CWC27: variants seen among roughly 807,000 people sequenced by gnomAD.
The protein encoded by CWC27 is CWC27 spliceosome associated cyclophilin.
In CWC27, 47 loss-of-function variants were observed where a neutral mutation model predicts 63.6. The ratio of observed to expected loss-of-function variants is 0.74; its 90% CI spans 0.58 to 0.94. CWC27 has a LOEUF of 0.94. CWC27 is among the 40% of genes least tolerant of loss of function. CWC27 has a pLI of 0.00. For synonymous variants in CWC27, 175 were observed against 179.8 expected, an observed-to-expected ratio of 0.97 and a Z score of 0.22; for missense variants, 495 against 554.3, an observed-to-expected ratio of 0.89 and a Z score of 1.07.
intron 11 of CWC27, among the ~76,000 whole-genome samples, chr5:64,934,211 T>A (rs1244478802): frequency 6.6e-6 from 1 of 152,184 alleles, no homozygotes; most frequent in African/African-American, 2.4e-5. Flanking sequence ...TATCAACCCA[T>A]CGTCTACATT....
intron 9 of CWC27, among the ~76,000 whole-genome samples, chr5:64,803,231 G>A (rs964002641): frequency 2.2e-4 from 34 of 152,048 alleles, no homozygotes; most frequent in African/African-American, 6.8e-4. Context: ...GCTTCACTAC[G>A]ACTCACCAGA....
intron 10 of CWC27, among the ~76,000 whole-genome samples, chr5:64,824,785 T>G (rs1745314169): frequency 7.4e-6 from 1 of 135,700 alleles, no homozygotes; most frequent in Non-Finnish European, 1.5e-5. Flanking sequence ...CAGGCTGGAG[T>G]GCAGTGGTGC....
At chr5:64,893,240 A>C (rs1747284027) in intron 11 of CWC27, among the ~76,000 whole-genome samples, 1 of 152,214 alleles carries the variant, frequency 6.6e-6, no homozygotes, top group Admixed American at 6.5e-5. Flanking sequence ...ACCTTATTTT[A>C]AGTAAGATGT....
intron 10 of CWC27, among the ~76,000 whole-genome samples, chr5:64,825,010 A>G (rs1259930457): frequency 6.6e-6 from 1 of 152,002 alleles, no homozygotes; most frequent in African/African-American, 2.4e-5. Context: ...AGGATTACAG[A>G]CATGAGCCAC....
chr5:64,934,587 G>A (rs558947609), intron 11 of CWC27, among the ~76,000 whole-genome samples: 4 of 152,270 alleles, frequency 2.6e-5, no homozygotes, highest in South Asian at 2.1e-4. Context: ...CTTTATAGTA[G>A]AATGATTTAT....
At chr5:64,810,591 C>T (rs1163367931) in intron 10 of CWC27, among the ~76,000 whole-genome samples, 1 of 152,010 alleles carries the variant, frequency 6.6e-6, no homozygotes, top group African/African-American at 2.4e-5. Context: ...ACATAGTTTT[C>T]AGCAGACAGA....
In CWC27 at chr5:65,003,168, T is replaced by C. The variant is rs527264126; in HGVS notation, c.1257-14991T>C. Among the ~76,000 whole-genome samples, 24 of 152,352 alleles carry C rather than the reference T, an allele frequency of 1.6e-4. No homozygotes were observed. The South Asian group carries it at 3.7e-3, about 24-fold the overall frequency. ...TTTCCATCCCTTCATTTTCAGTCTA[T>C]ACGTGTCTTTACAGGTGAAGTGAGT... On this transcript the variant is annotated intron_variant, in intron 13 of 13. Transcript: ENST00000381070.
chr5:64,879,946 T>A (rs1429096661), intron 10 of CWC27, among the ~76,000 whole-genome samples: 1 of 152,018 alleles, frequency 6.6e-6, no homozygotes, highest in Non-Finnish European at 1.5e-5. Context: ...AATTATTTTA[T>A]ACAATAGCCA....
rs138471138 is a variant in CWC27 at position 64,992,013 on chromosome 5, T to C, written c.1256+14775T>C. Among the ~76,000 whole-genome samples the C allele has an allele frequency of 1.6e-3, 243 of 152,302 alleles. 1 individual carries two copies. The highest frequency in any genetic ancestry group is 5.7e-3 in the African/African-American group (239 of 41,572). On this transcript the variant is annotated intron_variant, in intron 13 of 13. Transcript: ENST00000381070. ...TGACTAAAGTAAGTATATATCCTTT[T>C]CGTGCTTTTTCACTCTAACTCTTCT...
intron 1 of CWC27, among the ~76,000 whole-genome samples, chr5:64,770,108 G>A (rs1743191616): frequency 6.6e-6 from 1 of 152,182 alleles, no homozygotes; most frequent in African/African-American, 2.4e-5. Flanking sequence ...TTACATGATT[G>A]CATCATAAAT....
chr5:64,804,245 G>T lies in CWC27; in HGVS notation c.797G>T (p.Ser266Ile). Reference sequence around the variant, plus strand: ...TTTCTACAGGATGGAGAAGATGAAAGTGCAGAGCATGATGAATATATTGAT... The same window carrying T: ...TTTCTACAGGATGGAGAAGATGAAATTGCAGAGCATGATGAATATATTGAT... The part of the protein sequence containing the change: ...PDLVDDGEDE[S>I]AEHDEYIDGD... Residue 266 changes from serine to isoleucine, a missense_variant, in exon 10 of 14, where the codon AGT (serine) becomes ATT (isoleucine). Ser to Ile is a moderately radical substitution (Grantham distance 142). Transcript: ENST00000381070. 1 of 1,608,968 alleles carries T rather than the reference G, an allele frequency of 6.2e-7. No homozygotes were observed. The highest frequency in any genetic ancestry group is 2.2e-5 in the East Asian group (1 of 44,798).
rs564483122 is a variant in CWC27 at position 64,770,166 on chromosome 5, C to A, written c.42+978C>A. ...TTGACATTTGATAATGTAATGAGAG[C>A]AATTTAAAAGTGAAACCAAAAATGC... is the stretch of plus-strand genomic sequence containing the variant. On this transcript the variant is annotated intron_variant, in intron 1 of 13. Transcript: ENST00000381070. Among the ~76,000 whole-genome samples the A allele has an allele frequency of 4.6e-5, 7 of 152,216 alleles. No homozygotes were observed. The South Asian group carries it at 1.5e-3, about 32-fold the overall frequency.
At chr5:65,009,911 A>C (rs929016420) in intron 13 of CWC27, among the ~76,000 whole-genome samples, 3 of 152,246 alleles carry the variant, frequency 2.0e-5, no homozygotes, top group African/African-American at 7.2e-5. Context: ...GCACTTTGCC[A>C]TTTGCAGAGC....
rs149837294 is a variant in CWC27 at position 64,802,456 on chromosome 5, A to G, written c.780+1124A>G. Among the ~76,000 whole-genome samples, 79 of 152,282 alleles carry G rather than the reference A, an allele frequency of 5.2e-4. 1 individual carries two copies. The highest frequency in any genetic ancestry group is 1.9e-3 in the African/African-American group (77 of 41,570). Reference sequence around the variant, plus strand: ...GAGGAACAGTTGAAAGGTGTTTGTTAAAAAGAAGGATGCTATGATCAATTT... The same window carrying G: ...GAGGAACAGTTGAAAGGTGTTTGTTGAAAAGAAGGATGCTATGATCAATTT... On this transcript the variant is annotated intron_variant, in intron 9 of 13. Transcript: ENST00000381070.
chr5:64,911,942 C>T (rs73107248), intron 11 of CWC27, among the ~76,000 whole-genome samples: 1,658 of 151,962 alleles, frequency 0.011, 25 homozygotes, highest in African/African-American at 0.038. Flanking sequence ...ACCGTGATGG[C>T]GGGCACCTGC....
At chr5:64,951,323 A>G (rs575836212) in intron 11 of CWC27, among the ~76,000 whole-genome samples, 5 of 151,898 alleles carry the variant, frequency 3.3e-5, no homozygotes, top group South Asian at 2.1e-4. Context: ...CTAATGATCA[A>G]TGATGTTGAA....
intron 11 of CWC27, among the ~76,000 whole-genome samples, chr5:64,939,935 T>A (rs1424983574): frequency 6.6e-6 from 1 of 152,188 alleles, no homozygotes; most frequent in Non-Finnish European, 1.5e-5. Context: ...AACCGCCTAC[T>A]CAAGCCTCAG....
At chr5:65,002,838 G>T (rs750171853) in intron 13 of CWC27, among the ~76,000 whole-genome samples, 1 of 152,014 alleles carries the variant, frequency 6.6e-6, no homozygotes, top group East Asian at 1.9e-4. Context: ...CAATGATTCC[G>T]TATTCATTTT....
At chr5:64,891,946 C>G (rs116924120) in intron 11 of CWC27, among the ~76,000 whole-genome samples, 2 of 152,040 alleles carry the variant, frequency 1.3e-5, no homozygotes, top group Non-Finnish European at 2.9e-5. Flanking sequence ...AGGCACGCAC[C>G]GCCACACCTG....
Sources: allele counts gnomAD v4.1 joint callset (sites outside exome capture counted in the v4.1 genomes callset), GRCh38; gene constraint gnomAD v4.1.1; transcripts MANE v1.5; gene names NCBI Gene and HGNC (gene_info 2026-07-23, HGNC 2026-07-21).